DCC: variants seen among roughly 807,000 people sequenced by gnomAD.
DCC encodes the protein netrin receptor DCC.
DCC carries 58 observed loss-of-function variants against 172.5 expected under a neutral mutation model. That is an observed-to-expected ratio of 0.34 (90% CI 0.27 to 0.42). The LOEUF (loss-of-function observed/expected upper bound fraction) is 0.42. Ranked by LOEUF, DCC falls within the 10% of genes least tolerant of loss-of-function variation. The probability of loss-of-function intolerance (pLI) is 1.00; values close to 1 mark genes in which losing one functional copy is unlikely to be tolerated. For synonymous variants in DCC, 709 were observed against 644.5 expected (o/e 1.10, Z -1.52); for missense variants, 1,740 against 1,791.0 (o/e 0.97, Z 0.51).
chr18:53,382,480 T>A (rs1406084332), intron 15 of DCC, among the ~76,000 whole-genome samples: 5 of 152,066 alleles, frequency 3.3e-5, no homozygotes, highest in African/African-American at 1.2e-4. Flanking sequence ...GTTCATATAT[T>A]CCAAAAGTCT....
At chr18:53,119,882 G>A (rs1346728858) in intron 7 of DCC, among the ~76,000 whole-genome samples, 4 of 151,704 alleles carry the variant, frequency 2.6e-5, no homozygotes. Flanking sequence ...TACACATCTT[G>A]GATAGGATGT....
intron 12 of DCC, among the ~76,000 whole-genome samples, chr18:53,256,144 T>G (rs1306204113): frequency 1.3e-5 from 2 of 152,190 alleles, no homozygotes; most frequent in East Asian, 1.9e-4. Flanking sequence ...TTGCAAAAAT[T>G]TTCTTCCATT....
At chr18:52,792,271 A>G (rs8095497) in intron 2 of DCC, among the ~76,000 whole-genome samples, 13,983 of 152,206 alleles carry the variant, frequency 0.092, 2,093 homozygotes, top group African/African-American at 0.32. Flanking sequence ...TTACTACAAC[A>G]TTCCCAGATC....
At chr18:52,429,310 G>A (rs1240113940) in intron 1 of DCC, among the ~76,000 whole-genome samples, 1 of 152,036 alleles carries the variant, frequency 6.6e-6, no homozygotes, top group African/African-American at 2.4e-5. Flanking sequence ...TACACAGCTG[G>A]TAGGTGACAA....
chr18:52,392,711 C>G (rs921347613), intron 1 of DCC, among the ~76,000 whole-genome samples: 1 of 152,032 alleles, frequency 6.6e-6, no homozygotes, highest in Non-Finnish European at 1.5e-5. Flanking sequence ...ATGGGTGGTA[C>G]ATTATTTACT....
At chr18:53,080,594 G>A (rs1320540187) in intron 7 of DCC, among the ~76,000 whole-genome samples, 1 of 152,100 alleles carries the variant, frequency 6.6e-6, no homozygotes, top group African/African-American at 2.4e-5. Flanking sequence ...TTACTGAAAA[G>A]CATATTTTGC....
intron 12 of DCC, among the ~76,000 whole-genome samples, chr18:53,263,484 TC>T (rs1280297050): frequency 6.6e-6 from 1 of 152,150 alleles, no homozygotes; most frequent in Non-Finnish European, 1.5e-5. Flanking sequence ...TATTTCTATA[TC>T]CTAATAATTT....
chr18:53,053,461 T>C (rs1165850936), intron 5 of DCC, among the ~76,000 whole-genome samples: 1 of 152,164 alleles, frequency 6.6e-6, no homozygotes, highest in East Asian at 1.9e-4. Context: ...TTTTATTTCA[T>C]TAGGAATTAA....
Position 53,402,835 on chromosome 18 carries a change from G to A in DCC, c.2877G>A (p.Lys959=). Residue 959 remains lysine, a synonymous_variant, in exon 19 of 29, where the codon AAG becomes AAA. Transcript: ENST00000442544. The stretch of plus-strand genomic sequence containing the variant: ...TGACAGTCATTACTAGGGAAGGGAA[G>A]CCTCGTGCCGTCATTGTGAGTTGGC... ...KDLTVITREG[K]PRAVIVSWQP... 1.9e-6 allele frequency: 3 copies of A among 1,614,124 alleles called. No individual in the cohort carries two copies. The highest frequency in any genetic ancestry group is 2.5e-6 in the Non-Finnish European group (3 of 1,179,994).
chr18:53,068,863 T>C (rs2042612784), intron 7 of DCC, among the ~76,000 whole-genome samples: 1 of 151,600 alleles, frequency 6.6e-6, no homozygotes, highest in Admixed American at 6.6e-5. Flanking sequence ...AACTTTATTC[T>C]GCTATTTCAT....
chr18:53,499,663 G>C (rs551619514), intron 27 of DCC, among the ~76,000 whole-genome samples, 153 bp downstream of exon 27: 3 of 152,126 alleles, frequency 2.0e-5, no homozygotes, highest in Non-Finnish European at 4.4e-5. Flanking sequence ...GATGCTTGTA[G>C]TGTAACCCTT....
At chr18:53,062,585 C>T (rs4129440) in intron 5 of DCC, among the ~76,000 whole-genome samples, 1 of 152,166 alleles carries the variant, frequency 6.6e-6, no homozygotes, top group Admixed American at 6.6e-5. Flanking sequence ...TGGGCTAAGC[C>T]TGAGCCAAGT....
intron 12 of DCC, among the ~76,000 whole-genome samples, chr18:53,221,577 T>C (rs1420533365): frequency 6.6e-6 from 1 of 152,128 alleles, no homozygotes; most frequent in African/African-American, 2.4e-5. Context: ...GAATAGATAC[T>C]AAGTTTTAGT....
chr18:52,752,109 C>T lies in DCC; in HGVS notation c.147C>T (p.Ala49=), dbSNP rs777555256. The change falls in exon 2 of 29, where the codon GCC becomes GCT. Residue 49 remains alanine, a synonymous_variant. Coordinates refer to ENST00000442544, the MANE Select transcript of DCC (RefSeq NM_005215.4). ...GCTTCCTCTCAGAACCTTCTGATGC[C>T]GTCACAATGCGGGGAGGAAATGTCC... The part of the protein sequence containing the change: ...ALRFLSEPSD[A]VTMRGGNVLL... 5 of 1,613,984 alleles carry T rather than the reference C, an allele frequency of 3.1e-6. No homozygotes were observed. The highest frequency in any genetic ancestry group is 1.1e-5 in the South Asian group (1 of 91,076).
intron 2 of DCC, among the ~76,000 whole-genome samples, chr18:52,771,098 C>A (rs76720868): frequency 6.6e-6 from 1 of 152,246 alleles, no homozygotes; most frequent in South Asian, 2.1e-4. Flanking sequence ...CTGAGGTTTA[C>A]GTTCATGCCT....
chr18:53,042,205 T>C (rs1430450299), intron 5 of DCC, among the ~76,000 whole-genome samples: 2 of 152,084 alleles, frequency 1.3e-5, no homozygotes, highest in East Asian at 3.9e-4. Flanking sequence ...TTGAGTGTTT[T>C]TAGCATGAAG....
intron 2 of DCC, among the ~76,000 whole-genome samples, chr18:52,771,919 C>A (rs1176701232): frequency 6.7e-6 from 1 of 150,192 alleles, no homozygotes; most frequent in Non-Finnish European, 1.5e-5. Context: ...GGTGTTCTAT[C>A]TCAGTGAGGC....
Position 53,093,359 on chromosome 18 carries a change from G to A in DCC, c.1261+27193G>A, listed in dbSNP as rs1023672045. Among the ~76,000 whole-genome samples the A allele has an allele frequency of 5.9e-5, 9 of 152,048 alleles. No individual in the cohort carries two copies. The East Asian group carries it at 7.7e-4, about 13-fold the overall frequency. The stretch of plus-strand genomic sequence containing the variant: ...TGATGATAAAAATTTTGAATAACAC[G>A]TTACTATTGCATAGCACATCTTATT... On this transcript the variant is annotated intron_variant, in intron 7 of 28. Transcript: ENST00000442544.
intron 1 of DCC, among the ~76,000 whole-genome samples, chr18:52,567,212 A>G (rs2033180227): frequency 6.6e-6 from 1 of 152,194 alleles, no homozygotes; most frequent in African/African-American, 2.4e-5. Context: ...GTATATACCT[A>G]GAAATATTTT....
Sources: allele counts gnomAD v4.1 joint callset (sites outside exome capture counted in the v4.1 genomes callset), GRCh38; gene constraint gnomAD v4.1.1; transcripts MANE v1.5; gene names NCBI Gene and HGNC (gene_info 2026-07-23, HGNC 2026-07-21).